The following ATP13A4 variants were observed in gnomAD, a reference collection of about 807,000 sequenced individuals.
ATP13A4 encodes the protein ATPase 13A4.
A neutral mutation model predicts 142.5 loss-of-function variants in ATP13A4; 114 were observed. That is an observed-to-expected ratio of 0.80 (90% CI 0.69 to 0.93). The LOEUF is 0.93. Ranked by LOEUF, ATP13A4 falls within the 40% of genes least tolerant of loss-of-function variation. The pLI, the probability that ATP13A4 is intolerant of heterozygous loss-of-function variation, is 0.00. For missense variants in ATP13A4, 1,392 were observed against 1,454.0 expected (o/e 0.96, Z 0.69); for synonymous variants, 488 against 514.8 (o/e 0.95, Z 0.70).
chr3:193,451,309 C>T (rs1184189299), intron 17 of ATP13A4, among the ~76,000 whole-genome samples: 3 of 152,230 alleles, frequency 2.0e-5, no homozygotes, highest in African/African-American at 7.2e-5. Context: ...CAGGGTCAAA[C>T]ATCTGCCATA....
chr3:193,554,782 C>T lies in ATP13A4; in HGVS notation c.18G>A (p.Lys6=), dbSNP rs772901341. 1.2e-6 allele frequency: 2 copies of T among 1,613,956 alleles called. No homozygotes were observed. The highest frequency in any genetic ancestry group is 1.7e-5 in the Admixed American group (1 of 60,000). The part of the protein sequence containing the change: MGHFE[K]GQHALLNEGE... ...CTTCATTGAGCAGAGCGTGCTGGCC[C>T]TTCTCAAAGTGTCCCATGAAAAAGT... The change falls in exon 1 of 30, where the codon AAG becomes AAA. Residue 6 remains lysine (K), a synonymous_variant. Coordinates refer to ENST00000342695, the MANE Select transcript of ATP13A4 (RefSeq NM_032279.4).
chr3:193,434,347 C>T lies in ATP13A4; in HGVS notation c.2770-430G>A, dbSNP rs146497736. ...TGGAAAATAAGAATAAGTAAACTCA[C>T]TATTTGCATTCTTGAATGTTTTTAG... On this transcript the variant is annotated intron_variant, in intron 24 of 29. Coordinates refer to ENST00000342695, the MANE Select transcript of ATP13A4 (RefSeq NM_032279.4). 2.7e-3 allele frequency among the ~76,000 whole-genome samples: 414 copies of T among 152,256 alleles called. 2 individuals carry two copies. The highest frequency in any genetic ancestry group is 9.4e-3 in the African/African-American group (389 of 41,546).
chr3:193,545,516 C>A (rs1178492705), intron 1 of ATP13A4, among the ~76,000 whole-genome samples: 2 of 152,200 alleles, frequency 1.3e-5, no homozygotes, highest in Non-Finnish European at 2.9e-5. Context: ...CAACTCTACC[C>A]AGCCTGTGGT....
intron 9 of ATP13A4, 121 bp downstream of exon 9, chr3:193,470,738 A>G (rs1211159396): frequency 7.0e-7 from 1 of 1,426,724 alleles, no homozygotes; most frequent in East Asian, 2.3e-5. Flanking sequence ...AAGGTCCCAT[A>G]GCAGCCAGTG....
At chr3:193,468,533 G>A (rs1718436221) in intron 9 of ATP13A4, among the ~76,000 whole-genome samples, 1 of 152,154 alleles carries the variant, frequency 6.6e-6, no homozygotes, top group South Asian at 2.1e-4. Context: ...CAGATCGCTT[G>A]AGCCAGGAGT....
intron 1 of ATP13A4, among the ~76,000 whole-genome samples, chr3:193,531,129 A>G (rs1465542566): frequency 6.6e-6 from 1 of 151,926 alleles, no homozygotes; most frequent in Non-Finnish European, 1.5e-5. Flanking sequence ...GGCTTCTCCT[A>G]TGTTCTCACA....
At chr3:193,559,461 AGTATTAATT>A (rs1490526280), upstream of ATP13A4, among the ~76,000 whole-genome samples, 3 of 152,328 alleles carry the variant, frequency 2.0e-5, no homozygotes, top group Admixed American at 6.5e-5. Context: ...CTTTACCTTT[AGTATTAATT>A]ATCCTAATCT....
chr3:193,583,393 A>G (rs888527836), intron 1 of ATP13A4, among the ~76,000 whole-genome samples: 3 of 150,838 alleles, frequency 2.0e-5, no homozygotes, highest in Non-Finnish European at 4.4e-5. Context: ...AGATCATGCC[A>G]CTGCACTCCA....
At chr3:193,580,824 A>T (rs796832873) in intron 2 of ATP13A4, among the ~76,000 whole-genome samples, 2 of 152,222 alleles carry the variant, frequency 1.3e-5, no homozygotes, top group Admixed American at 1.3e-4. Flanking sequence ...ACTTCAAAAC[A>T]GAAAGAAAAA....
At position 193,416,799 on chromosome 3, in the gene ATP13A4, G is replaced by A. The variant is rs191686324; in HGVS notation, c.2843-2049C>T. On this transcript the variant is annotated intron_variant, in intron 25 of 29. Coordinates refer to ENST00000342695, the MANE Select transcript of ATP13A4 (RefSeq NM_032279.4). ...AGGAGAGAAGAGAAAGAGACAAAAA[G>A]AATAAGAAATAATGGCAGAAAACTT... Among the ~76,000 whole-genome samples, 409 of 152,204 alleles carry A rather than the reference G, an allele frequency of 2.7e-3. 5 individuals carry two copies. The highest frequency in any genetic ancestry group is 5.0e-3 in the Non-Finnish European group (342 of 67,978).
chr3:193,524,627 T>A (rs1038114612), intron 1 of ATP13A4, among the ~76,000 whole-genome samples: 2 of 152,210 alleles, frequency 1.3e-5, no homozygotes, highest in African/African-American at 4.8e-5. Context: ...CCAACATATT[T>A]AAAGACAAAG....
At chr3:193,471,359 T>C (rs1718613032) in intron 8 of ATP13A4, among the ~76,000 whole-genome samples, 2 of 152,130 alleles carry the variant, frequency 1.3e-5, no homozygotes, top group South Asian at 4.1e-4. Context: ...GCCTAGCTGT[T>C]TGAGACCAAC....
At chr3:193,532,686 A>G (rs1722398016) in intron 1 of ATP13A4, among the ~76,000 whole-genome samples, 1 of 152,112 alleles carries the variant, frequency 6.6e-6, no homozygotes, top group Admixed American at 6.5e-5. Context: ...TGATGCAGTA[A>G]TGCAATTATT....
intron 1 of ATP13A4, among the ~76,000 whole-genome samples, chr3:193,550,831 CA>C (rs1430416014): frequency 2.6e-5 from 4 of 151,970 alleles, no homozygotes; most frequent in Non-Finnish European, 5.9e-5. Flanking sequence ...AACACTTCCC[CA>C]AAAGATTGAT....
chr3:193,410,953 C>T (rs1304850685), intron 28 of ATP13A4, 29 bp downstream of exon 28: 19 of 1,346,330 alleles, frequency 1.4e-5, no homozygotes, highest in Non-Finnish European at 1.9e-5. Flanking sequence ...AACTGTAAAG[C>T]ATCATCATAT....
At chr3:193,505,030 C>A (rs937210052) in intron 2 of ATP13A4, among the ~76,000 whole-genome samples, 5 of 152,270 alleles carry the variant, frequency 3.3e-5, no homozygotes, top group African/African-American at 1.2e-4. Flanking sequence ...AACTAACCAC[C>A]AGCAAGGCTA....
intron 25 of ATP13A4, among the ~76,000 whole-genome samples, chr3:193,419,270 C>T (rs1308920978): frequency 2.7e-5 from 4 of 150,142 alleles, no homozygotes; most frequent in Non-Finnish European, 5.9e-5. Context: ...GGTAAAGCTG[C>T]TCCATATACC....
intron 14 of ATP13A4, 57 bp from the exon 15 acceptor site, chr3:193,457,522 T>C (rs1407118875): frequency 6.6e-7 from 1 of 1,518,614 alleles, no homozygotes; most frequent in Non-Finnish European, 9.1e-7. Flanking sequence ...TGCCCACTGA[T>C]GCTATGCTTG....
rs1723205083 is a variant in ATP13A4, at chr3:193,546,023, GTT to G, written c.60+8715_60+8716del. On this transcript the variant is annotated intron_variant, in intron 1 of 29. Transcript: ENST00000342695. Reference sequence around the variant, plus strand: ...TGTGTGTGTGTGTGTGTGTGTGTGTGTTTTGGCAAGGACCCCAAGAAATCATC... The same window carrying G: ...TGTGTGTGTGTGTGTGTGTGTGTGTGTTGGCAAGGACCCCAAGAAATCATC... 3.7e-5 allele frequency among the ~76,000 whole-genome samples: 5 copies of G among 134,640 alleles called. 1 individual carries two copies. In the South Asian group the frequency reaches 1.2e-3, roughly 32 times the overall value. The allele number at this position is 134,640 out of a possible 152,430, so 88.3% of individuals were successfully genotyped here.
Sources: allele counts gnomAD v4.1 joint callset (sites outside exome capture counted in the v4.1 genomes callset), GRCh38; gene constraint gnomAD v4.1.1; transcripts MANE v1.5; gene names NCBI Gene and HGNC (gene_info 2026-07-23, HGNC 2026-07-21).